DOCK5: variants seen among roughly 807,000 people sequenced by gnomAD.
DOCK5 encodes the protein dedicator of cytokinesis protein 5.
In DOCK5, 142 loss-of-function variants were observed where a neutral mutation model predicts 251.8. The ratio of observed to expected loss-of-function variants is 0.56; its 90% CI spans 0.49 to 0.65. DOCK5 has a LOEUF of 0.65. DOCK5 is among the 30% of genes least tolerant of loss of function. The pLI, the probability that DOCK5 is intolerant of heterozygous loss-of-function variation, is 0.00. For synonymous variants in DOCK5, 842 were observed against 835.5 expected (o/e 1.01, Z -0.13); for missense variants, 2,111 against 2,312.3 (o/e 0.91, Z 1.79).
chr8:25,306,518 C>T (rs1355166678), intron 11 of DOCK5, among the ~76,000 whole-genome samples: 3 of 151,882 alleles, frequency 2.0e-5, no homozygotes, highest in South Asian at 2.1e-4. Flanking sequence ...CACGGTGAAA[C>T]CCTGTCTCTA....
chr8:25,189,706 TCA>T (rs1350185740), intron 1 of DOCK5, among the ~76,000 whole-genome samples: 1 of 152,114 alleles, frequency 6.6e-6, no homozygotes, highest in Non-Finnish European at 1.5e-5. Context: ...GGATTTGTGA[TCA>T]CATATATTTT....
At chr8:25,208,160 T>G (rs546575206) in intron 1 of DOCK5, among the ~76,000 whole-genome samples, 1 of 152,322 alleles carries the variant, frequency 6.6e-6, no homozygotes, top group South Asian at 2.1e-4. Flanking sequence ...TGATAAAACT[T>G]GAGCAGAGAA....
intron 1 of DOCK5, among the ~76,000 whole-genome samples, chr8:25,234,481 A>G (rs966732539): frequency 1.3e-5 from 2 of 152,248 alleles, no homozygotes; most frequent in African/African-American, 2.4e-5. Flanking sequence ...AAAGACTGCA[A>G]TAGTTGCTAT....
At chr8:25,343,605 C>A (rs1321108481) in intron 25 of DOCK5, among the ~76,000 whole-genome samples, 2 of 152,118 alleles carry the variant, frequency 1.3e-5, no homozygotes, top group African/African-American at 4.8e-5. Context: ...AGAAATTATT[C>A]TTCTTTAGTC....
At chr8:25,334,336 G>A (rs373299376) in intron 21 of DOCK5, 140 bp downstream of exon 21, 7 of 692,658 alleles carry the variant, frequency 1.0e-5, no homozygotes, top group East Asian at 5.3e-5. Flanking sequence ...CTAAGCTTCC[G>A]GGTGGAAAAA....
At chr8:25,244,216 A>C (rs970463650) in intron 2 of DOCK5, among the ~76,000 whole-genome samples, 7 of 152,238 alleles carry the variant, frequency 4.6e-5, no homozygotes, top group Admixed American at 3.9e-4. Context: ...TCATGACTGC[A>C]GCAGGTCCAG....
At chr8:25,391,872 C>T (rs766828200) in intron 42 of DOCK5, 24 bp from the exon 43 acceptor site, 21 of 1,608,312 alleles carry the variant, frequency 1.3e-5, no homozygotes, top group Middle Eastern at 3.3e-4. Context: ...GAGAAAAATA[C>T]AGCATTGCTT....
At chr8:25,331,230 GACACACACACACACACACAC>G (rs60869427) in intron 18 of DOCK5, among the ~76,000 whole-genome samples, 4 of 140,364 alleles carry the variant, frequency 2.8e-5, no homozygotes, top group African/African-American at 7.9e-5. Context: ...GTTTCTCTGT[GACACACACACACACACACAC>G]ACACACACAC....
Position 25,243,700 on chromosome 8 carries a change from G to C in DOCK5, c.70G>C (p.Asp24His), listed in dbSNP as rs370221374. 6.2e-7 allele frequency: 1 copy of C among 1,613,608 alleles called. No individual in the cohort carries two copies. Among genetic ancestry groups the C allele is most frequent in the Non-Finnish European group, 8.5e-7 (1 of 1,179,670 alleles). ...VAIYNYNASQ[D>H]VELSLQIGDT... Reference sequence around the variant, plus strand: ...GATCTATAACTACAATGCTTCTCAAGATGTGGAGCTCTCCTTGCAGATCGG... The same window carrying C: ...GATCTATAACTACAATGCTTCTCAACATGTGGAGCTCTCCTTGCAGATCGG... Residue 24 changes from aspartate (D) to histidine (H), a missense_variant, in exon 2 of 52, where the codon GAT becomes CAT. This residue lies in a region of DOCK5 where 335 missense variants were observed against 324.9 expected (regional missense o/e 1.03). Coordinates refer to ENST00000276440, the MANE Select transcript of DOCK5 (RefSeq NM_024940.8).
At position 25,296,519 on chromosome 8, in the gene DOCK5, G is replaced by A; in HGVS notation, c.477G>A (p.Leu159=). 3 of 1,609,244 alleles carry A rather than the reference G, an allele frequency of 1.9e-6. No individual in the cohort carries two copies. Among genetic ancestry groups the A allele is most frequent in the Non-Finnish European group, 2.5e-6 (3 of 1,177,834 alleles). The change falls in exon 7 of 52, where the codon CTG becomes CTA. Residue 159 remains leucine, a synonymous_variant. Transcript: ENST00000276440. ...TAKIDHGNRM[L]GLDLVVRDDN... ...ACTACTCCTTTCTCTCCAGAATGCT[G>A]GGGTTAGATCTGGTGGTGCGAGATG... is the stretch of plus-strand genomic sequence containing the variant.
intron 15 of DOCK5, among the ~76,000 whole-genome samples, chr8:25,320,440 T>C (rs1805393267): frequency 1.3e-5 from 2 of 152,230 alleles, no homozygotes; most frequent in Non-Finnish European, 2.9e-5. Flanking sequence ...TCTTCAGATA[T>C]GTATTTTAGA....
intron 2 of DOCK5, among the ~76,000 whole-genome samples, chr8:25,251,968 G>A (rs1042079067): frequency 4.0e-5 from 6 of 148,888 alleles, no homozygotes; most frequent in African/African-American, 1.5e-4. Flanking sequence ...ACTCCAACCT[G>A]GGTGACACAG....
intron 11 of DOCK5, among the ~76,000 whole-genome samples, chr8:25,307,045 G>T (rs1444100325): frequency 6.6e-6 from 1 of 152,094 alleles, no homozygotes; most frequent in Non-Finnish European, 1.5e-5. Flanking sequence ...ACATAGAAAA[G>T]GTAATGAGTT....
chr8:25,411,651 C>T lies in DOCK5; in HGVS notation c.*353C>T. ...TTCCATATTGATGGTGGAGCAACCC[C>T]TGTAATCTACTCCTTGGAAGGATTT... On this transcript the variant is annotated 3_prime_UTR_variant, in exon 52 of 52. Coordinates refer to ENST00000276440, the MANE Select transcript of DOCK5 (RefSeq NM_024940.8). The T allele has an allele frequency of 5.1e-6, 1 of 194,812 alleles. No homozygotes were observed. The allele number at this position is 194,812 out of a possible 1,614,324, so 12.1% of individuals were successfully genotyped here.
intron 38 of DOCK5, among the ~76,000 whole-genome samples, chr8:25,379,317 C>T (rs1801022814): frequency 6.9e-6 from 1 of 144,238 alleles, no homozygotes; most frequent in Non-Finnish European, 1.5e-5. Context: ...TATAGACCTC[C>T]CCCCAAGGAA....
intron 51 of DOCK5, among the ~76,000 whole-genome samples, chr8:25,410,709 C>A (rs575252222): frequency 7.0e-6 from 1 of 142,968 alleles, no homozygotes; most frequent in African/African-American, 2.6e-5. Context: ...TGATCCCCCC[C>A]ACCCACCTCA....
At chr8:25,243,381 T>C (rs9692988) in intron 1 of DOCK5, among the ~76,000 whole-genome samples, 14,895 of 150,836 alleles carry the variant, frequency 0.099, 2,067 homozygotes, top group African/African-American at 0.31. Context: ...CCCAGGCTGG[T>C]GTGCAGTGGC....
rs147353389 is a variant in DOCK5 at position 25,308,823 on chromosome 8, A to G, written c.1090A>G (p.Met364Val). 1.8e-3 allele frequency: 2,910 copies of G among 1,613,910 alleles called. 7 individuals are homozygous for G. The highest frequency in any genetic ancestry group is 2.2e-3 in the Non-Finnish European group (2,549 of 1,179,832). Residue 364 changes from methionine to valine, a missense_variant, in exon 12 of 52, where the codon ATG becomes GTG. Physicochemically the swap from Met to Val is conservative, Grantham distance 21. Around this residue, in one of 3 missense-constraint regions of DOCK5, gnomAD observed 1,717 missense variants for 1,892.4 expected, o/e 0.91. Coordinates refer to ENST00000276440, the MANE Select transcript of DOCK5 (RefSeq NM_024940.8). ...CTACATCCGCCAGAGGCAGCTCATC[A>G]TGTCGCCTTTGATAACATCACACGT... ...ETYIRQRQLI[M>V]SPLITSHVIG...
intron 45 of DOCK5, among the ~76,000 whole-genome samples, chr8:25,399,322 G>C (rs1436003162): frequency 6.6e-6 from 1 of 152,050 alleles, no homozygotes; most frequent in Non-Finnish European, 1.5e-5. Context: ...TAATAATAAG[G>C]GCAACCAGCA....
Sources: gnomAD v4.1 joint callset for allele counts (sites outside exome capture counted in the v4.1 genomes callset) on GRCh38, gnomAD v4.1.1 for gene constraint, gnomAD v4.1.1 regional missense constraint, MANE v1.5 for transcripts, NCBI Gene and HGNC (gene_info 2026-07-23, HGNC 2026-07-21) for gene names.